NBEA: variants seen among roughly 807,000 people sequenced by gnomAD.
The protein encoded by NBEA is lysosomal-trafficking regulator 2.
A neutral mutation model predicts 343.4 loss-of-function variants in NBEA; 44 were observed. The observed-to-expected ratio is 0.13, with a 90% CI of 0.10 to 0.16. The LOEUF (loss-of-function observed/expected upper bound fraction) is 0.16. Ranked by LOEUF, NBEA falls within the 10% of genes least tolerant of loss-of-function variation. The probability of loss-of-function intolerance (pLI) is 1.00; values close to 1 mark genes in which losing one functional copy is unlikely to be tolerated. For synonymous variants in NBEA, 1,175 were observed against 1,238.7 expected, an observed-to-expected ratio of 0.95 and a Z score of 1.08; for missense variants, 2,555 against 3,631.3, an observed-to-expected ratio of 0.70 and a Z score of 7.62.
intron 41 of NBEA, among the ~76,000 whole-genome samples, chr13:35,533,315 A>C (rs1006545887): frequency 2.6e-5 from 4 of 152,164 alleles, no homozygotes; most frequent in African/African-American, 9.7e-5. Flanking sequence ...TTAAAAGGAA[A>C]ATGTCACCCT....
intron 40 of NBEA, among the ~76,000 whole-genome samples, chr13:35,453,787 A>G (rs192169575): frequency 8.1e-4 from 124 of 152,294 alleles, no homozygotes; most frequent in African/African-American, 2.4e-3. Context: ...GCACAATTCA[A>G]CAAAGACTAA....
intron 31 of NBEA, among the ~76,000 whole-genome samples, chr13:35,197,092 A>G (rs1364468380): frequency 6.6e-6 from 1 of 152,162 alleles, no homozygotes; most frequent in Non-Finnish European, 1.5e-5. Context: ...CCACTATTTA[A>G]AAACATGTGC....
chr13:35,610,062 T>C (rs1184717049), intron 48 of NBEA, among the ~76,000 whole-genome samples: 1 of 152,212 alleles, frequency 6.6e-6, no homozygotes, highest in African/African-American at 2.4e-5. Context: ...AAAAATAATT[T>C]GTTTGCTATA....
intron 3 of NBEA, 92 bp downstream of exon 3, chr13:35,045,139 T>A: frequency 8.0e-7 from 1 of 1,250,982 alleles, no homozygotes; most frequent in Non-Finnish European, 1.1e-6. Context: ...ATACTTGAAT[T>A]TATAATGGAA....
intron 48 of NBEA, among the ~76,000 whole-genome samples, chr13:35,607,810 A>G (rs2082340967): frequency 6.6e-6 from 1 of 152,144 alleles, no homozygotes; most frequent in African/African-American, 2.4e-5. Flanking sequence ...CCATCACCAC[A>G]ATCAATTTAA....
intron 38 of NBEA, among the ~76,000 whole-genome samples, chr13:35,421,161 A>G (rs2044246664): frequency 6.6e-6 from 1 of 151,856 alleles, no homozygotes; most frequent in Non-Finnish European, 1.5e-5. Context: ...CTTGTGTCCA[A>G]CAAGTGTTGA....
At chr13:35,202,857 T>C (rs1027104417) in intron 31 of NBEA, among the ~76,000 whole-genome samples, 3 of 152,206 alleles carry the variant, frequency 2.0e-5, no homozygotes, top group Non-Finnish European at 4.4e-5. Flanking sequence ...TCTTAGTTAA[T>C]GGCAACTTGT....
At chr13:35,603,773 C>T (rs923147650) in intron 47 of NBEA, among the ~76,000 whole-genome samples, 1 of 152,156 alleles carries the variant, frequency 6.6e-6, no homozygotes, top group Non-Finnish European at 1.5e-5. Context: ...ATCACACTCC[C>T]AACCGAGCAG....
intron 38 of NBEA, among the ~76,000 whole-genome samples, chr13:35,424,129 G>A (rs530124326): frequency 3.3e-5 from 5 of 151,948 alleles, no homozygotes; most frequent in East Asian, 1.9e-4. Context: ...TTTCCTAATC[G>A]GATACCTTTA....
rs777712008 is a variant in NBEA at position 35,271,524 on chromosome 13, A to C, written c.5777-18865A>C. On this transcript the variant is annotated intron_variant, in intron 34 of 58. Transcript: ENST00000379939. ...AGAATGACTTTGACGAGTTGACAGA[A>C]GTAGGCTTCAGAAGGTTAGTAATAA... Among the ~76,000 whole-genome samples, 3 of 152,228 alleles carry C rather than the reference A, an allele frequency of 2.0e-5. No individual in the cohort carries two copies. In the East Asian group the frequency reaches 5.8e-4, roughly 29 times the overall value.
intron 28 of NBEA, among the ~76,000 whole-genome samples, chr13:35,178,420 G>T (rs1287649447): frequency 6.6e-6 from 1 of 151,550 alleles, no homozygotes; most frequent in Non-Finnish European, 1.5e-5. Flanking sequence ...ATTCAGCAGT[G>T]ACCTATTCAG....
chr13:35,389,242 G>A (rs539844052), intron 38 of NBEA, among the ~76,000 whole-genome samples: 1 of 152,200 alleles, frequency 6.6e-6, no homozygotes, highest in Admixed American at 6.5e-5. Flanking sequence ...TCTCTGGAAA[G>A]CATTGTTTAT....
At chr13:35,585,529 C>T (rs1593294045) in intron 46 of NBEA, among the ~76,000 whole-genome samples, 1 of 151,978 alleles carries the variant, frequency 6.6e-6, no homozygotes, top group Admixed American at 6.6e-5. Flanking sequence ...CCTTAATGTT[C>T]CTCTTCTACA....
At chr13:35,480,316 T>C (rs1420872565) in intron 41 of NBEA, among the ~76,000 whole-genome samples, 4 of 152,106 alleles carry the variant, frequency 2.6e-5, no homozygotes, top group South Asian at 2.1e-4. Flanking sequence ...AACCCTGTTA[T>C]GTTGAGAAAT....
chr13:35,121,118 AT>A (rs1477562591), intron 16 of NBEA, among the ~76,000 whole-genome samples: 1 of 150,442 alleles, frequency 6.6e-6, no homozygotes, highest in South Asian at 2.1e-4. Flanking sequence ...TAATTTTTTA[AT>A]TTTTTTTTAG....
chr13:35,350,819 GTCATGACA>G (rs1333983657), intron 37 of NBEA, among the ~76,000 whole-genome samples: 10 of 150,156 alleles, frequency 6.7e-5, no homozygotes, highest in African/African-American at 2.4e-4. Flanking sequence ...GATTTTACAA[GTCATGACA>G]TTTTGCTAGA....
intron 18 of NBEA, among the ~76,000 whole-genome samples, chr13:35,146,241 A>G (rs1254878169): frequency 6.6e-6 from 1 of 152,178 alleles, no homozygotes; most frequent in Non-Finnish European, 1.5e-5. Flanking sequence ...GAAATGGGAC[A>G]TAGAGTTTTG....
At chr13:35,083,839 G>A (rs893762991) in intron 10 of NBEA, among the ~76,000 whole-genome samples, 3 of 152,040 alleles carry the variant, frequency 2.0e-5, no homozygotes, top group African/African-American at 7.2e-5. Flanking sequence ...CCCATCTCAT[G>A]TGCAGAGACA....
chr13:35,094,167 A>C (rs1314715000), intron 10 of NBEA, among the ~76,000 whole-genome samples: 1 of 152,092 alleles, frequency 6.6e-6, no homozygotes, highest in Non-Finnish European at 1.5e-5. Context: ...AGGAAGATAT[A>C]AATGAGTAAT....
Sources: allele counts gnomAD v4.1 joint callset (sites outside exome capture counted in the v4.1 genomes callset), GRCh38; gene constraint gnomAD v4.1.1; transcripts MANE v1.5; gene names NCBI Gene and HGNC (gene_info 2026-07-23, HGNC 2026-07-21).